The following MYO18A variants were observed in gnomAD, a reference collection of about 807,000 sequenced individuals.
MYO18A encodes myosin XVIIIA, also known as unconventional myosin-XVIIIa.
A neutral mutation model predicts 235.8 loss-of-function variants in MYO18A; 78 were observed. The observed-to-expected ratio is 0.33, with a 90% CI of 0.28 to 0.40. The LOEUF is 0.40. Among genes scored for constraint, MYO18A ranks in the 10% least tolerant of loss-of-function variants. MYO18A has a pLI of 1.00. For missense variants in MYO18A, 2,215 were observed against 2,699.3 expected (o/e 0.82, Z 3.98); for synonymous variants, 977 against 1,077.8 (o/e 0.91, Z 1.83).
intron 2 of MYO18A, chr17:29,128,364 G>A (rs919929565): frequency 1.1e-5 from 14 of 1,283,578 alleles, no homozygotes; most frequent in African/African-American, 1.1e-4. Flanking sequence ...TTTGCCACCC[G>A]CTTCCGGGAC....
chr17:29,143,544 A>G (rs932732267), intron 2 of MYO18A, among the ~76,000 whole-genome samples: 16 of 151,776 alleles, frequency 1.1e-4, no homozygotes, highest in Non-Finnish European at 2.9e-5. Flanking sequence ...ATTTGGCCTT[A>G]ATACATTTTA....
intron 30 of MYO18A, chr17:29,094,418 C>A (rs1478549499): frequency 3.3e-6 from 2 of 610,146 alleles, no homozygotes; most frequent in African/African-American, 1.9e-5. Context: ...GCATCCTGAG[C>A]CCCTCCCTAC....
chr17:29,176,742 T>G (rs2068539886), intron 1 of MYO18A: 1 of 152,180 alleles, frequency 6.6e-6, no homozygotes, highest in South Asian at 2.1e-4. Flanking sequence ...CAGCGCCGGG[T>G]GACTCCCTGC....
Position 29,121,887 on chromosome 17 carries a change from C to G in MYO18A, c.1158G>C (p.Gly386=), listed in dbSNP as rs202145616. ...CATCCTCATCCACATCCAGGATGGC[C>G]CCATCGTGGTCCAGCTTCACACGCA... The part of the protein sequence containing the change: ...GKVRVKLDHD[G]AILDVDEDDV... Residue 386 remains glycine (G), a synonymous_variant, in exon 4 of 42, where the codon GGG becomes GGC. Transcript: ENST00000527372. This position sits in a 1 kb window ranked among gnomAD's most constrained non-coding sequence, Gnocchi z 4.2. 2.2e-5 allele frequency: 35 copies of G among 1,613,966 alleles called. No homozygotes were observed. The highest frequency in any genetic ancestry group is 1.6e-4 in the Middle Eastern group (1 of 6,062).
In MYO18A at chr17:29,096,763, C is replaced by T. The variant is rs2066527875; in HGVS notation, c.4383G>A (p.Arg1461=). ...CCCAGGGCAGGGGGCCCACCCACCT[C>T]CTCTGCTTCTTCTCCAGTTCGTGGT... ...VRNHELEKKQ[R]RFDSELSQAH... Residue 1461 remains arginine (R), a splice_region_variant and synonymous_variant, in exon 28 of 42, where the codon AGG becomes AGA. Coordinates refer to ENST00000527372, the MANE Select transcript of MYO18A (RefSeq NM_078471.4). 6.2e-7 allele frequency: 1 copy of T among 1,600,106 alleles called. No individual in the cohort carries two copies. The highest frequency in any genetic ancestry group is 8.5e-7 in the Non-Finnish European group (1 of 1,172,682).
intron 1 of MYO18A, among the ~76,000 whole-genome samples, chr17:29,172,738 C>T (rs570511882): frequency 1.4e-3 from 211 of 152,184 alleles, no homozygotes; most frequent in Non-Finnish European, 2.6e-3. Flanking sequence ...AAGTCAAAAC[C>T]TTTGTACATG....
chr17:29,077,983 A>C (rs1642440267), intron 41 of MYO18A: 1 of 152,088 alleles, frequency 6.6e-6, no homozygotes, highest in Non-Finnish European at 1.5e-5. Flanking sequence ...TGCTAAGAGG[A>C]AGGCTGAGAT....
At chr17:29,122,555 C>A (rs1422615879) in intron 2 of MYO18A, among the ~76,000 whole-genome samples, 1 of 152,128 alleles carries the variant, frequency 6.6e-6, no homozygotes, top group Non-Finnish European at 1.5e-5. Context: ...AAGAGGAGAC[C>A]CCAGGAAAGC....
chr17:29,102,106 A>T (rs1266223715), intron 21 of MYO18A, among the ~76,000 whole-genome samples: 2 of 152,110 alleles, frequency 1.3e-5, no homozygotes, highest in Non-Finnish European at 2.9e-5. Context: ...GCAGGCACCC[A>T]ATGTTGACCC....
Position 29,118,080 on chromosome 17 carries a change from G to A in MYO18A, c.2003C>T (p.Ala668Val). The change falls in exon 10 of 42, where the codon GCC (alanine) becomes GTC (valine). Residue 668 changes from alanine to valine, a missense_variant. Transcript: ENST00000527372. This position sits in a 1 kb window ranked among gnomAD's most constrained non-coding sequence, Gnocchi z 4.2. ...TCCCGCAGCCCCCAGGTGGTAGATG[G>A]CAGCCAGAATGAACCAGCAGGCCTT... The part of the protein sequence containing the change: ...EQKACWFILA[A>V]IYHLGAAGAT... 6.3e-7 allele frequency: 1 copy of A among 1,590,984 alleles called. No individual in the cohort carries two copies. Among genetic ancestry groups the A allele is most frequent in the Non-Finnish European group, 8.6e-7 (1 of 1,168,656 alleles).
chr17:29,091,692 C>A, intron 34 of MYO18A: 1 of 454,694 alleles, frequency 2.2e-6, no homozygotes, highest in Non-Finnish European at 4.4e-6. Flanking sequence ...ATTGGCATCT[C>A]TCAGCAGCTA....
In MYO18A at chr17:29,107,109, G is replaced by A. The variant is rs759164088; in HGVS notation, c.3412C>T (p.Arg1138Cys). Residue 1138 changes from arginine (R) to cysteine (C), a missense_variant, in exon 20 of 42, where the codon CGT becomes TGT. Coordinates refer to ENST00000527372, the MANE Select transcript of MYO18A (RefSeq NM_078471.4). ...LAPHLTKKHGRNYIVVDERRA... is the reference protein window; with the variant it reads ...LAPHLTKKHGCNYIVVDERRA... ...CTTTCATCCACCACGATGTAGTTAC[G>A]CCCGTGTTTCTTGGTCAGGTGCGGG... 1.1e-5 allele frequency: 17 copies of A among 1,613,878 alleles called. No individual in the cohort carries two copies. The highest frequency in any genetic ancestry group is 2.7e-5 in the African/African-American group (2 of 74,912).
chr17:29,164,805 C>T (rs763712184), intron 2 of MYO18A, among the ~76,000 whole-genome samples: 7 of 152,240 alleles, frequency 4.6e-5, no homozygotes, highest in Non-Finnish European at 1.0e-4. Flanking sequence ...GAGATCCGCT[C>T]CTCCATCTGA....
chr17:29,086,893 A>C, intron 38 of MYO18A, 43 bp downstream of exon 38: 1 of 1,575,088 alleles, frequency 6.3e-7, no homozygotes, highest in Admixed American at 1.8e-5. Flanking sequence ...GCAGCTACTC[A>C]AGGGGCTGCC....
intron 2 of MYO18A, among the ~76,000 whole-genome samples, chr17:29,161,790 T>C (rs1242768853): frequency 6.6e-6 from 1 of 152,196 alleles, no homozygotes; most frequent in East Asian, 1.9e-4. Flanking sequence ...TCAATGGGCC[T>C]TGACTTTCCC....
chr17:29,133,539 A>C (rs1323900571), intron 2 of MYO18A, among the ~76,000 whole-genome samples: 1 of 152,116 alleles, frequency 6.6e-6, no homozygotes, highest in African/African-American at 2.4e-5. Context: ...ACCCAGAGGG[A>C]CACCAGCAGG....
At chr17:29,097,560 C>G (rs958345880) in intron 26 of MYO18A, among the ~76,000 whole-genome samples, 8 of 152,226 alleles carry the variant, frequency 5.3e-5, no homozygotes, top group East Asian at 1.9e-4. Flanking sequence ...GCTGTGCCCC[C>G]CAAAGGACTG....
At chr17:29,080,670 C>A (rs558830241) in intron 41 of MYO18A, 27 of 985,480 alleles carry the variant, frequency 2.7e-5, no homozygotes, top group South Asian at 2.3e-4. Flanking sequence ...CCCGGCTGAC[C>A]GGTGCAGAGA....
chr17:29,121,958 C>A lies in MYO18A; in HGVS notation c.1088-1G>T. 1 of 1,613,792 alleles carries A rather than the reference C, an allele frequency of 6.2e-7. No individual in the cohort carries two copies. The highest frequency in any genetic ancestry group is 8.5e-7 in the Non-Finnish European group (1 of 1,179,830). Reference sequence around the variant, plus strand: ...AGCTCCTCAGATTTGAGTTGACTGGCTGCAGGGGAGGGACAGACAGCTGGG... The same window carrying A: ...AGCTCCTCAGATTTGAGTTGACTGGATGCAGGGGAGGGACAGACAGCTGGG... On this transcript the variant is annotated splice_acceptor_variant, in intron 3 of 41. Coordinates refer to ENST00000527372, the MANE Select transcript of MYO18A (RefSeq NM_078471.4). LOFTEE classifies it high-confidence loss of function. The surrounding 1 kb of genome is among the most constrained non-coding windows in gnomAD (Gnocchi z 4.2).
Sources: allele counts gnomAD v4.1 joint callset (sites outside exome capture counted in the v4.1 genomes callset), GRCh38; gene constraint gnomAD v4.1.1; non-coding constraint Gnocchi (gnomAD v3.1); transcripts MANE v1.5; gene names NCBI Gene and HGNC (gene_info 2026-07-23, HGNC 2026-07-21).